Variants in ASIC2 observed in about 807,000 individuals in gnomAD.
The protein encoded by ASIC2 is acid-sensing ion channel 2.
ASIC2 carries 25 observed loss-of-function variants against 57.3 expected under a neutral mutation model. That is an observed-to-expected ratio of 0.44 (90% CI 0.32 to 0.61). ASIC2 has a LOEUF of 0.61. Ranked by LOEUF, ASIC2 falls within the 20% of genes least tolerant of loss-of-function variation. ASIC2 has a pLI of 0.06. For synonymous variants in ASIC2, 319 were observed against 307.5 expected (o/e 1.04, Z -0.39); for missense variants, 641 against 738.1 (o/e 0.87, Z 1.52).
chr17:33,517,389 T>C (rs1412837676), intron 1 of ASIC2, among the ~76,000 whole-genome samples: 1 of 152,218 alleles, frequency 6.6e-6, no homozygotes, highest in Non-Finnish European at 1.5e-5. Context: ...GTGCTGGGAT[T>C]ACAGGCGCGA....
chr17:33,494,643 C>G (rs1913870524), intron 1 of ASIC2, among the ~76,000 whole-genome samples: 1 of 152,178 alleles, frequency 6.6e-6, no homozygotes, highest in Admixed American at 6.5e-5. Flanking sequence ...TGGGGTCACA[C>G]TGAGGTAGGA....
chr17:33,536,728 CAGGT>C (rs1415839558), intron 1 of ASIC2, among the ~76,000 whole-genome samples: 5 of 152,190 alleles, frequency 3.3e-5, no homozygotes, highest in African/African-American at 1.2e-4. Context: ...TAAGTGAGGC[CAGGT>C]GCAGTGGCTC....
chr17:33,988,179 G>C (rs926049852), intron 1 of ASIC2, among the ~76,000 whole-genome samples: 1 of 152,176 alleles, frequency 6.6e-6, no homozygotes, highest in African/African-American at 2.4e-5. Flanking sequence ...GTATAATATA[G>C]TATGGTGTGG....
chr17:33,307,572 A>T (rs941347224), intron 1 of ASIC2, among the ~76,000 whole-genome samples: 1 of 152,170 alleles, frequency 6.6e-6, no homozygotes, highest in Non-Finnish European at 1.5e-5. Flanking sequence ...AGCCTCCCAA[A>T]GTGCTGGGAT....
intron 1 of ASIC2, among the ~76,000 whole-genome samples, chr17:34,136,661 T>G (rs1356772244): frequency 1.3e-5 from 2 of 152,272 alleles, no homozygotes; most frequent in African/African-American, 4.8e-5. Context: ...TTTATGTCTT[T>G]GCCTGTAACT....
chr17:33,290,415 A>G (rs574356787), intron 1 of ASIC2, among the ~76,000 whole-genome samples: 5 of 152,346 alleles, frequency 3.3e-5, no homozygotes, highest in Admixed American at 6.5e-5. Flanking sequence ...CCTAAGGGAC[A>G]TTTACACACG....
Position 33,292,509 on chromosome 17 carries a change from T to G in ASIC2, c.-394A>C. 5.1e-6 allele frequency: 5 copies of G among 985,932 alleles called. No individual in the cohort carries two copies. The South Asian group carries it at 2.3e-4, about 46-fold the overall frequency. The allele number at this position is 985,932 out of a possible 1,614,324, so 61.1% of individuals were successfully genotyped here. On this transcript the variant is annotated 5_prime_UTR_variant, in exon 1 of 10. Coordinates refer to ENST00000225823, the MANE Select transcript of ASIC2 (RefSeq NM_183377.2). Reference sequence around the variant, plus strand: ...CCTCGTCCTGGACCTCGGGGGACCCTGAGCCGAGTCCCCCCTGCCCCGCCT... The same window carrying G: ...CCTCGTCCTGGACCTCGGGGGACCCGGAGCCGAGTCCCCCCTGCCCCGCCT...
chr17:33,703,932 A>G (rs1908784820), intron 1 of ASIC2, among the ~76,000 whole-genome samples: 1 of 151,986 alleles, frequency 6.6e-6, no homozygotes, highest in Middle Eastern at 3.4e-3. Flanking sequence ...GGCTTTCACA[A>G]TCCTATGCAT....
At chr17:34,016,012 G>C (rs986185118) in intron 1 of ASIC2, among the ~76,000 whole-genome samples, 1 of 152,186 alleles carries the variant, frequency 6.6e-6, no homozygotes, top group African/African-American at 2.4e-5. Flanking sequence ...CAAAATAAAT[G>C]TACCTCTCAA....
intron 1 of ASIC2, among the ~76,000 whole-genome samples, chr17:33,512,855 G>T (rs1318731717): frequency 4.6e-5 from 7 of 152,168 alleles, no homozygotes; most frequent in Non-Finnish European, 8.8e-5. Context: ...AGGAGTTTTG[G>T]CCATGAATGG....
intron 3 of ASIC2, among the ~76,000 whole-genome samples, chr17:33,086,875 GC>G (rs1460336452): frequency 6.6e-6 from 1 of 152,044 alleles, no homozygotes; most frequent in Non-Finnish European, 1.5e-5. Context: ...CAGCACCCAA[GC>G]CCCTTCCTGT....
At chr17:33,755,341 G>A (rs569605616) in intron 1 of ASIC2, among the ~76,000 whole-genome samples, 4 of 152,296 alleles carry the variant, frequency 2.6e-5, no homozygotes, top group East Asian at 1.9e-4. Context: ...AATTTCTGAC[G>A]TCTAGAGCCA....
rs554473927 is a variant in ASIC2, at chr17:33,861,541, A to G, written c.555+294437T>C. On this transcript the variant is annotated intron_variant, in intron 1 of 9. Transcript: ENST00000359872. ...TAAGAATTTCATTTGTGTTAGAAGT[A>G]TAGAGAGTATGAGAGAATTGTATCA... is the stretch of plus-strand genomic sequence containing the variant. Among the ~76,000 whole-genome samples, 7 of 152,324 alleles carry G rather than the reference A, an allele frequency of 4.6e-5. No individual in the cohort carries two copies. In the East Asian group the frequency reaches 1.3e-3, roughly 29 times the overall value.
rs577837657 is a variant in ASIC2, at chr17:33,071,366, A to G, written c.987+17497T>C. ...CTCTGCAATGTTTAATTTGCTGTTC[A>G]TCTTATCCAGTGTATTTTTAAAATC... On this transcript the variant is annotated intron_variant, in intron 3 of 9. Transcript: ENST00000225823. Among the ~76,000 whole-genome samples the G allele has an allele frequency of 2.0e-5, 3 of 152,296 alleles. No homozygotes were observed. The South Asian group carries it at 6.2e-4, about 32-fold the overall frequency.
In ASIC2 at chr17:33,691,821, GC is replaced by G. The variant is rs1263986197; in HGVS notation, c.555+464156del. On this transcript the variant is annotated intron_variant, in intron 1 of 9. Coordinates refer to the ASIC2 transcript ENST00000359872. ...TGTGTGTGTATTTATGTATATGCAT[GC>G]ATGTGTGTGTGTGTGTCTGTGTATA... is the stretch of plus-strand genomic sequence containing the variant. 2.0e-5 allele frequency among the ~76,000 whole-genome samples: 3 copies of G among 150,644 alleles called. No individual in the cohort carries two copies. In the East Asian group the frequency reaches 5.8e-4, roughly 29 times the overall value.
chr17:33,926,784 G>A (rs1915830611), intron 1 of ASIC2, among the ~76,000 whole-genome samples: 1 of 152,212 alleles, frequency 6.6e-6, no homozygotes, highest in Non-Finnish European at 1.5e-5. Flanking sequence ...TATTAAGCAA[G>A]AGCAATAGCA....
chr17:33,321,357 C>T (rs2142215756), intron 1 of ASIC2, among the ~76,000 whole-genome samples: 1 of 152,264 alleles, frequency 6.6e-6, no homozygotes, highest in African/African-American at 2.4e-5. Context: ...TAAGTTCACC[C>T]ATTCATTTTT....
intron 1 of ASIC2, among the ~76,000 whole-genome samples, chr17:33,281,798 G>A (rs1253129997): frequency 2.0e-5 from 3 of 152,140 alleles, no homozygotes; most frequent in African/African-American, 7.2e-5. Flanking sequence ...TGTAATATGA[G>A]GGCATGAACC....
chr17:33,320,907 T>C (rs1906843681), intron 1 of ASIC2, among the ~76,000 whole-genome samples: 1 of 152,228 alleles, frequency 6.6e-6, no homozygotes, highest in Admixed American at 6.5e-5. Context: ...CCTGAGGTCC[T>C]GTAGGCAGTA....
Sources: gnomAD v4.1 joint callset for allele counts (sites outside exome capture counted in the v4.1 genomes callset) on GRCh38, gnomAD v4.1.1 for gene constraint, MANE v1.5 for transcripts, NCBI Gene and HGNC (gene_info 2026-07-23, HGNC 2026-07-21) for gene names.